Variants in WDR1 observed in about 807,000 individuals in gnomAD.
WDR1 encodes the protein WD repeat-containing protein 1.
Under a neutral mutation model 71.9 loss-of-function variants are expected in WDR1, and 21 were observed. The observed-to-expected ratio is 0.29, with a 90% CI of 0.21 to 0.42. WDR1 has a LOEUF of 0.42. Among genes scored for constraint, WDR1 ranks in the 10% least tolerant of loss-of-function variants. The pLI is 1.00. For missense variants in WDR1, 696 were observed against 824.5 expected, an observed-to-expected ratio of 0.84 and a Z score of 1.91; for synonymous variants, 424 against 347.4, an observed-to-expected ratio of 1.22 and a Z score of -2.45.
intron 5 of WDR1, among the ~76,000 whole-genome samples, chr4:10,094,238 G>A (rs1712186212): frequency 6.6e-6 from 1 of 152,178 alleles, no homozygotes; most frequent in Admixed American, 6.5e-5. Context: ...ACTATCCAGT[G>A]CACCACCAAC....
chr4:10,115,444 A>G (rs796517841), intron 2 of WDR1, among the ~76,000 whole-genome samples: 32 of 152,212 alleles, frequency 2.1e-4, no homozygotes, highest in African/African-American at 7.7e-4. Flanking sequence ...GCTTAGATCC[A>G]TGGTGGCAGA....
chr4:10,091,193 T>A (rs1198934055), intron 5 of WDR1, among the ~76,000 whole-genome samples: 1 of 152,312 alleles, frequency 6.6e-6, no homozygotes, highest in Admixed American at 6.5e-5. Flanking sequence ...GTGCTAGAGG[T>A]CACCCTTCCT....
intron 5 of WDR1, among the ~76,000 whole-genome samples, chr4:10,090,195 C>A (rs1711879748): frequency 6.6e-6 from 1 of 152,204 alleles, no homozygotes; most frequent in Admixed American, 6.5e-5. Context: ...GTTTAAGGCA[C>A]CCAATCTGTG....
At chr4:10,116,292 G>T (rs377429161) in intron 1 of WDR1, 58 bp from the exon 2 acceptor site, 1 of 1,608,346 alleles carries the variant, frequency 6.2e-7, no homozygotes, top group African/African-American at 1.3e-5. Flanking sequence ...GGCGGGGACA[G>T]AAGGGAGAAG....
intron 11 of WDR1, among the ~76,000 whole-genome samples, chr4:10,079,268 A>G (rs759898211): frequency 3.0e-4 from 46 of 151,890 alleles, no homozygotes; most frequent in Non-Finnish European, 5.9e-4. Context: ...GGCAGTCACC[A>G]CAGCACCACC....
intron 8 of WDR1, among the ~76,000 whole-genome samples, chr4:10,086,279 A>G (rs868519062): frequency 2.6e-5 from 4 of 151,968 alleles, no homozygotes; most frequent in Non-Finnish European, 2.9e-5. Flanking sequence ...TATACTCATC[A>G]CCCTGGGCTG....
chr4:10,104,525 T>C (rs762839773), intron 2 of WDR1, among the ~76,000 whole-genome samples: 1 of 152,214 alleles, frequency 6.6e-6, no homozygotes, highest in Non-Finnish European at 1.5e-5. Flanking sequence ...GGAAAGTCGA[T>C]TCCCCACTCC....
At position 10,084,504 on chromosome 4, in the gene WDR1, C is replaced by T. The variant is rs1024614518; in HGVS notation, c.978G>A (p.Leu326=). 6.2e-7 allele frequency: 1 copy of T among 1,613,800 alleles called. No individual in the cohort carries two copies. Among genetic ancestry groups the T allele is most frequent in the African/African-American group, 1.3e-5 (1 of 74,914 alleles). Residue 326 remains leucine (L), a synonymous_variant, in exon 9 of 15, where the codon CTG becomes CTA. Transcript: ENST00000499869. ...IKGHSKSIQC[L]TVHKNGGKSY... The stretch of plus-strand genomic sequence containing the variant: ...ACTTGCCGCCGTTTTTATGCACCGT[C>T]AGACACTGGATCGATTTACTGTGAC...
intron 2 of WDR1, among the ~76,000 whole-genome samples, chr4:10,113,673 G>T (rs764597357): frequency 6.6e-6 from 1 of 152,246 alleles, no homozygotes; most frequent in African/African-American, 2.4e-5. Flanking sequence ...TAAGTCAGGT[G>T]GGGGAAGATA....
rs1404601325 is a variant in WDR1 at position 10,077,717 on chromosome 4, AGCACGGGGACAGAGGAG to A, written c.1569+19_1569+35del. On this transcript the variant is annotated intron_variant, in intron 13 of 14. Coordinates refer to ENST00000499869, the MANE Select transcript of WDR1 (RefSeq NM_017491.5). ...CCTCCCACTGCCACCTGCACCGCCC[AGCACGGGGACAGAGGAG>A]GAGCCCGCCGCCACTCACCGAGTAG... The A allele has an allele frequency of 6.5e-7, 1 of 1,530,718 alleles. No homozygotes were observed. The highest frequency in any genetic ancestry group is 2.0e-5 in the Admixed American group (1 of 49,618). The allele number at this position is 1,530,718 out of a possible 1,614,324, so 94.8% of individuals were successfully genotyped here.
chr4:10,105,564 A>G (rs1712966209), intron 2 of WDR1, among the ~76,000 whole-genome samples: 1 of 152,226 alleles, frequency 6.6e-6, no homozygotes, highest in Non-Finnish European at 1.5e-5. Flanking sequence ...CAAAACTACA[A>G]CAGAATACCA....
At chr4:10,076,328 C>T (rs1764797459) in intron 14 of WDR1, 1 of 152,332 alleles carries the variant, frequency 6.6e-6, no homozygotes, top group Non-Finnish European at 1.5e-5. Context: ...GTCCACATCA[C>T]CAGGCTGGCT....
At chr4:10,093,780 G>A (rs989826813) in intron 5 of WDR1, among the ~76,000 whole-genome samples, 3 of 148,434 alleles carry the variant, frequency 2.0e-5, no homozygotes, top group Non-Finnish European at 4.6e-5. Context: ...CAAGGGAGGC[G>A]GTCCTGCATG....
At position 10,104,370 on chromosome 4, in the gene WDR1, C is replaced by T. The variant is rs746626573; in HGVS notation, c.139-384G>A. ...TTGTGGGAAGCTGCATTCATTCCAG[C>T]GCTCTGTTCTCTTCCGTGTTTAGGA... is the stretch of plus-strand genomic sequence containing the variant. On this transcript the variant is annotated intron_variant, in intron 2 of 14. Coordinates refer to ENST00000499869, the MANE Select transcript of WDR1 (RefSeq NM_017491.5). 2.6e-5 allele frequency among the ~76,000 whole-genome samples: 4 copies of T among 152,190 alleles called. No individual in the cohort carries two copies. The South Asian group carries it at 6.2e-4, about 24-fold the overall frequency.
Position 10,088,368 on chromosome 4 carries a change from G to A in WDR1, c.642C>T (p.Tyr214=). 6.4e-7 allele frequency: 1 copy of A among 1,556,540 alleles called. No individual in the cohort carries two copies. Among genetic ancestry groups the A allele is most frequent in the Non-Finnish European group, 8.7e-7 (1 of 1,149,608 alleles). The change falls in exon 7 of 15, where the codon TAC becomes TAT. Residue 214 remains tyrosine (Y), a synonymous_variant. Transcript: ENST00000499869. ...TCTCCCCAGTCTTCCCGTCATAGAT[G>A]TATATCTTCCAAGAAATAAAAACAT... ...FATASADGQI[Y]IYDGKTGEKV... is the part of the protein sequence containing the mutation.
At position 10,116,722 on chromosome 4, in the gene WDR1, G is replaced by T; in HGVS notation, c.-56C>A. ...CCGAGAGCCTCCGGGGCCGGCCCGC[G>T]CTGCGAATTACACCTCGCCGAGGCC... On this transcript the variant is annotated 5_prime_UTR_variant, in exon 1 of 15. Coordinates refer to ENST00000499869, the MANE Select transcript of WDR1 (RefSeq NM_017491.5). 1 of 1,310,416 alleles carries T rather than the reference G, an allele frequency of 7.6e-7. No individual in the cohort carries two copies. Among genetic ancestry groups the T allele is most frequent in the Non-Finnish European group, 9.7e-7 (1 of 1,027,574 alleles). 81.2% of individuals were successfully genotyped at this position (1,310,416 alleles called of 1,614,324 possible). A position where few individuals can be genotyped will look rare whatever the true frequency, so the allele number is the denominator to read the frequency against.
At chr4:10,113,872 C>A (rs1194054925) in intron 2 of WDR1, among the ~76,000 whole-genome samples, 5 of 152,194 alleles carry the variant, frequency 3.3e-5, no homozygotes, top group African/African-American at 1.2e-4. Context: ...AGGGGAAGAG[C>A]ACGTGGGAAA....
In WDR1 at chr4:10,075,257, C is replaced by A. The variant is rs1764755646; in HGVS notation, c.*121G>T. On this transcript the variant is annotated 3_prime_UTR_variant, in exon 15 of 15. Coordinates refer to ENST00000499869, the MANE Select transcript of WDR1 (RefSeq NM_017491.5). ...AGACGAGGGTCATGACTGGGCCCTC[C>A]TGCCTCTTGTGGTGGGGTGGGGGCA... 1.2e-6 allele frequency: 1 copy of A among 812,308 alleles called. No homozygotes were observed. 50.3% of individuals were successfully genotyped at this position (812,308 alleles called of 1,614,324 possible). A position where few individuals can be genotyped will look rare whatever the true frequency, so the allele number is the denominator to read the frequency against.
At chr4:10,113,497 C>T (rs4393994) in intron 2 of WDR1, among the ~76,000 whole-genome samples, 91,589 of 152,106 alleles carry the variant, frequency 0.6, 29,040 homozygotes, top group Middle Eastern at 0.71. Flanking sequence ...GAGGCAAGAA[C>T]GCTGGAGCCG....
Sources: allele counts gnomAD v4.1 joint callset (sites outside exome capture counted in the v4.1 genomes callset), GRCh38; gene constraint gnomAD v4.1.1; transcripts MANE v1.5; gene names NCBI Gene and HGNC (gene_info 2026-07-23, HGNC 2026-07-21).